The following CELSR1 variants were observed in gnomAD, a reference collection of about 807,000 sequenced individuals.
CELSR1 encodes cadherin EGF LAG seven-pass G-type receptor 1, also known as adhesion G protein-coupled receptor C1.
A neutral mutation model predicts 249.1 loss-of-function variants in CELSR1; 110 were observed. The observed-to-expected ratio is 0.44, with a 90% CI of 0.38 to 0.52. The LOEUF (loss-of-function observed/expected upper bound fraction) is 0.52, where lower values mean the gene tolerates loss of function less well. Among genes scored for constraint, CELSR1 ranks in the 20% least tolerant of loss-of-function variants. The pLI, the probability that CELSR1 is intolerant of heterozygous loss-of-function variation, is 0.00. For synonymous variants in CELSR1, 2,113 were observed against 1,900.0 expected (o/e 1.11, Z -2.92); for missense variants, 4,109 against 4,296.4 (o/e 0.96, Z 1.22).
Position 46,363,978 on chromosome 22 carries a change from G to C in CELSR1, c.9035+18C>G, listed in dbSNP as rs1421655917. The C allele has an allele frequency of 1.3e-6, 2 of 1,574,452 alleles. No individual in the cohort carries two copies. Among genetic ancestry groups the C allele is most frequent in the African/African-American group, 1.4e-5 (1 of 73,168 alleles). ...GGGGAAGTGGGTGATCCCCGCCCTG[G>C]AGGCCCAGGCTACTCACTCAGAGTC... On this transcript the variant is annotated intron_variant, in intron 34 of 34. Coordinates refer to ENST00000674500, the MANE Select transcript of CELSR1 (RefSeq NM_001378328.1). The surrounding 1 kb of genome is among the most constrained non-coding windows in gnomAD (Gnocchi z 4.3).
chr22:46,433,622 G>A lies in CELSR1; in HGVS notation c.4523-141C>T, dbSNP rs1348983699. The A allele has an allele frequency of 4.9e-6, 3 of 618,010 alleles. No individual in the cohort carries two copies. In the East Asian group the frequency reaches 8.3e-5, roughly 17 times the overall value. The allele number at this position is 618,010 out of a possible 1,614,324, so 38.3% of individuals were successfully genotyped here. A position where few individuals can be genotyped will look rare whatever the true frequency, so the allele number is the denominator to read the frequency against. Reference sequence around the variant, plus strand: ...CTCCCCTCCCCACGGCACCATGGTGGGAGGCGCCCACCACTCCATCCATTT... The same window carrying A: ...CTCCCCTCCCCACGGCACCATGGTGAGAGGCGCCCACCACTCCATCCATTT... On this transcript the variant is annotated intron_variant, in intron 4 of 34. Coordinates refer to ENST00000674500, the MANE Select transcript of CELSR1 (RefSeq NM_001378328.1). This position sits in a 1 kb window ranked among gnomAD's most constrained non-coding sequence, Gnocchi z 5.7.
At chr22:46,509,088 G>C (rs915958874) in intron 1 of CELSR1, among the ~76,000 whole-genome samples, 1 of 152,198 alleles carries the variant, frequency 6.6e-6, no homozygotes, top group Non-Finnish European at 1.5e-5. Flanking sequence ...TCCTGTCCCT[G>C]TATCTGGCAC....
Position 46,410,019 on chromosome 22 carries a change from A to G in CELSR1, c.4934-139T>C, listed in dbSNP as rs2079314443. The G allele has an allele frequency of 3.8e-6, 4 of 1,058,218 alleles. No homozygotes were observed. The highest frequency in any genetic ancestry group is 2.5e-5 in the East Asian group (1 of 40,044). The allele number at this position is 1,058,218 out of a possible 1,614,324, so 65.6% of individuals were successfully genotyped here. On this transcript the variant is annotated intron_variant, in intron 7 of 34. Transcript: ENST00000674500. The surrounding 1 kb of genome is among the most constrained non-coding windows in gnomAD (Gnocchi z 6.8). ...CAGACCAGGTCTGAACGCCCCTGGC[A>G]ACGGCAGGAACATGGGAACTAAGAA...
At position 46,377,115 on chromosome 22, in the gene CELSR1, C is replaced by T. The variant is rs779070124; in HGVS notation, c.7530G>A (p.Ala2510=). Residue 2510 remains alanine (A), a synonymous_variant, in exon 24 of 35, where the codon GCG becomes GCA. Transcript: ENST00000674500. The part of the protein sequence containing the change: ...LHSIHKHLAV[A]LFLSQLVFVI... Reference sequence around the variant, plus strand: ...CGAACACCAGCTGAGAGAGGAAGAGCGCCACGGCGAGGTGCTTGTGAATGC... The same window carrying T: ...CGAACACCAGCTGAGAGAGGAAGAGTGCCACGGCGAGGTGCTTGTGAATGC... 41 of 1,613,600 alleles carry T rather than the reference C, an allele frequency of 2.5e-5. No homozygotes were observed. Among genetic ancestry groups the T allele is most frequent in the East Asian group, 2.5e-4 (11 of 44,864 alleles).
rs1261729708 is a variant in CELSR1 at position 46,471,131 on chromosome 22, A to C, written c.3545-6786T>G. 6.6e-6 allele frequency among the ~76,000 whole-genome samples: 1 copy of C among 152,152 alleles called. No homozygotes were observed. ...CAGAGTGAGACTCCACCTCAAAAAA[A>C]CAACAACAAAAAAGGAAGGAGTTAC... On this transcript the variant is annotated intron_variant, in intron 1 of 34. Coordinates refer to ENST00000674500, the MANE Select transcript of CELSR1 (RefSeq NM_001378328.1). This position sits in a 1 kb window ranked among gnomAD's most constrained non-coding sequence, Gnocchi z 4.9.
At chr22:46,392,244 G>GA (rs2147257652) in intron 14 of CELSR1, among the ~76,000 whole-genome samples, 1 of 152,372 alleles carries the variant, frequency 6.6e-6, no homozygotes, top group African/African-American at 2.4e-5. Context: ...TTCGGGTTCA[G>GA]AAAGTCCTGG....
chr22:46,383,789 C>T (rs181396302), intron 20 of CELSR1, among the ~76,000 whole-genome samples: 81 of 152,322 alleles, frequency 5.3e-4, no homozygotes, highest in African/African-American at 1.9e-3. Context: ...GTGTCGGCCT[C>T]CCAAAGTGTT....
At position 46,391,396 on chromosome 22, in the gene CELSR1, A is replaced by G. The variant is rs2079089547; in HGVS notation, c.6149-109T>C. ...CCCTGCAGGAGGCCCTGCTCCCACC[A>G]AGAACCGAACCCTAGCATCTCCCCT... is the stretch of plus-strand genomic sequence containing the variant. On this transcript the variant is annotated intron_variant, in intron 15 of 34. Coordinates refer to ENST00000674500, the MANE Select transcript of CELSR1 (RefSeq NM_001378328.1). This position sits in a 1 kb window ranked among gnomAD's most constrained non-coding sequence, Gnocchi z 4.3. 6 of 1,004,418 alleles carry G rather than the reference A, an allele frequency of 6.0e-6. No homozygotes were observed. The Admixed American group carries it at 1.0e-4, about 17-fold the overall frequency. 62.2% of individuals were successfully genotyped at this position (1,004,418 alleles called of 1,614,324 possible).
In CELSR1 at chr22:46,527,886, A is replaced by G. The variant is rs1160923236; in HGVS notation, c.3544+5741T>C. On this transcript the variant is annotated intron_variant, in intron 1 of 34. Transcript: ENST00000674500. This position sits in a 1 kb window ranked among gnomAD's most constrained non-coding sequence, Gnocchi z 5.5. The stretch of plus-strand genomic sequence containing the variant: ...TGAGGCGGGCGGATAGCCTGAGGTC[A>G]GGAGTTGGAGACCAGCCTGGCCAGC... Among the ~76,000 whole-genome samples, 1 of 152,120 alleles carries G rather than the reference A, an allele frequency of 6.6e-6. No individual in the cohort carries two copies. The highest frequency in any genetic ancestry group is 1.5e-5 in the Non-Finnish European group (1 of 68,024).
intron 1 of CELSR1, among the ~76,000 whole-genome samples, chr22:46,530,772 C>T (rs1367464374): frequency 1.3e-5 from 2 of 152,206 alleles, no homozygotes; most frequent in African/African-American, 2.4e-5. Flanking sequence ...GAACTGCCCC[C>T]ACCACGTGGG....
intron 1 of CELSR1, chr22:46,481,420 T>C (rs1401507919): frequency 1.3e-6 from 2 of 1,495,008 alleles, no homozygotes; most frequent in East Asian, 2.3e-5. Context: ...CACACCACCT[T>C]CCAGCTTCTG....
intron 1 of CELSR1, among the ~76,000 whole-genome samples, chr22:46,521,699 C>T: frequency 6.6e-6 from 1 of 151,794 alleles, no homozygotes; most frequent in Non-Finnish European, 1.5e-5. Context: ...CGCCTATAAT[C>T]CCAGCTACTG....
chr22:46,364,277 C>A, intron 33 of CELSR1, 26 bp from the exon 34 acceptor site: 1 of 1,602,084 alleles, frequency 6.2e-7, no homozygotes, highest in South Asian at 1.1e-5. Context: ...ACGGCAAGGT[C>A]AAGTCCGGGT....
At chr22:46,403,570 AC>A (rs1353582045) in intron 9 of CELSR1, among the ~76,000 whole-genome samples, 2 of 151,970 alleles carry the variant, frequency 1.3e-5, no homozygotes, top group African/African-American at 4.8e-5. Context: ...CACAAAAAAA[AC>A]AATAACGATA....
At chr22:46,532,962 C>A (rs946182535) in intron 1 of CELSR1, among the ~76,000 whole-genome samples, 2 of 152,222 alleles carry the variant, frequency 1.3e-5, no homozygotes, top group African/African-American at 4.8e-5. Context: ...GGTGCCCACA[C>A]TGGCTCCACC....
intron 13 of CELSR1, 105 bp from the exon 14 acceptor site, chr22:46,394,367 C>A: frequency 1.5e-6 from 2 of 1,365,596 alleles, no homozygotes; most frequent in Non-Finnish European, 2.0e-6. Context: ...GGAGGCCTGG[C>A]TGGGTCCAGC....
intron 25 of CELSR1, among the ~76,000 whole-genome samples, chr22:46,372,439 CCAT>C (rs1404368269): frequency 3.5e-5 from 4 of 113,954 alleles, no homozygotes; most frequent in African/African-American, 1.6e-4. Flanking sequence ...TCATTCACCC[CCAT>C]CCATCCATCC....
At chr22:46,404,563 T>G (rs1362557409) in intron 9 of CELSR1, among the ~76,000 whole-genome samples, 1 of 152,104 alleles carries the variant, frequency 6.6e-6, no homozygotes, top group African/African-American at 2.4e-5. Flanking sequence ...TAACTAAAAC[T>G]GTATTTTGCT....
At chr22:46,465,347 C>T (rs554877792) in intron 1 of CELSR1, among the ~76,000 whole-genome samples, 15 of 152,258 alleles carry the variant, frequency 9.9e-5, no homozygotes, top group African/African-American at 3.6e-4. Flanking sequence ...ATGGCCCCCA[C>T]AAGAGCTCCC....
Sources: allele counts gnomAD v4.1 joint callset (sites outside exome capture counted in the v4.1 genomes callset), GRCh38; gene constraint gnomAD v4.1.1; non-coding constraint Gnocchi (gnomAD v3.1); transcripts MANE v1.5; gene names NCBI Gene and HGNC (gene_info 2026-07-23, HGNC 2026-07-21).